Variants in PDE1C observed in about 807,000 individuals in gnomAD.
PDE1C encodes the protein phosphodiesterase 1C.
Under a neutral mutation model 93.1 loss-of-function variants are expected in PDE1C, and 62 were observed. The observed-to-expected ratio is 0.67, with a 90% CI of 0.54 to 0.82. The LOEUF (loss-of-function observed/expected upper bound fraction) is 0.82, where lower values mean the gene tolerates loss of function less well. PDE1C is among the 40% of genes least tolerant of loss of function. PDE1C has a pLI of 0.00. For missense variants in PDE1C, 742 were observed against 884.6 expected, an observed-to-expected ratio of 0.84 and a Z score of 2.04; for synonymous variants, 325 against 310.1, an observed-to-expected ratio of 1.05 and a Z score of -0.50.
At chr7:32,004,411 T>C (rs1272839450) in intron 2 of PDE1C, among the ~76,000 whole-genome samples, 2 of 152,198 alleles carry the variant, frequency 1.3e-5, no homozygotes, top group African/African-American at 4.8e-5. Context: ...TCTTACTGCA[T>C]ACAGGCCACC....
chr7:31,985,493 T>G (rs2129065973), intron 2 of PDE1C, among the ~76,000 whole-genome samples: 1 of 152,328 alleles, frequency 6.6e-6, no homozygotes, highest in African/African-American at 2.4e-5. Flanking sequence ...TACATAGCTA[T>G]ACATGTGCCA....
At chr7:32,045,642 C>T (rs1389173793) in intron 2 of PDE1C, among the ~76,000 whole-genome samples, 1 of 152,166 alleles carries the variant, frequency 6.6e-6, no homozygotes, top group Non-Finnish European at 1.5e-5. Flanking sequence ...CAACAAGTTA[C>T]TTAGCTGCCA....
intron 16 of PDE1C, among the ~76,000 whole-genome samples, chr7:31,779,149 T>C (rs1783216408): frequency 6.6e-6 from 1 of 152,160 alleles, no homozygotes; most frequent in African/African-American, 2.4e-5. Flanking sequence ...GTGGCCCAGG[T>C]GATTCCCATC....
chr7:32,001,373 C>G (rs569158040), intron 2 of PDE1C, among the ~76,000 whole-genome samples: 1 of 152,298 alleles, frequency 6.6e-6, no homozygotes, highest in African/African-American at 2.4e-5. Flanking sequence ...GTACGTATTT[C>G]TGATACATAG....
At chr7:32,073,034 A>G (rs1796152526), upstream of PDE1C, among the ~76,000 whole-genome samples, 1 of 152,194 alleles carries the variant, frequency 6.6e-6, no homozygotes, top group African/African-American at 2.4e-5. Flanking sequence ...TAGTTTCTCT[A>G]AGTACTGGCC....
At chr7:32,209,553 A>C (rs1196190211) in intron 1 of PDE1C, 1 of 1,550,438 alleles carries the variant, frequency 6.4e-7, no homozygotes, top group African/African-American at 1.4e-5. Flanking sequence ...GAAAAAAAAA[A>C]GAGGATGCAA....
At chr7:31,856,057 G>A (rs1227904665) in intron 7 of PDE1C, among the ~76,000 whole-genome samples, 1 of 152,126 alleles carries the variant, frequency 6.6e-6, no homozygotes, top group Admixed American at 6.5e-5. Flanking sequence ...ACAATAATGA[G>A]TAATACAAAC....
intron 1 of PDE1C, among the ~76,000 whole-genome samples, chr7:32,210,680 C>G (rs1249772851): frequency 6.6e-6 from 1 of 152,180 alleles, no homozygotes; most frequent in Admixed American, 6.5e-5. Flanking sequence ...ACCATCTACA[C>G]TCTATTACTA....
intron 1 of PDE1C, among the ~76,000 whole-genome samples, chr7:32,263,652 C>T (rs896335827): frequency 2.6e-5 from 4 of 152,086 alleles, no homozygotes; most frequent in African/African-American, 9.7e-5. Flanking sequence ...TCAGGAATTG[C>T]ATTTAATTGT....
intron 17 of PDE1C, among the ~76,000 whole-genome samples, chr7:31,764,086 A>G (rs891915787): frequency 5.3e-5 from 8 of 151,928 alleles, no homozygotes; most frequent in Admixed American, 2.0e-4. Context: ...CAAAGGAAAA[A>G]TGGCTAGCCC....
intron 16 of PDE1C, among the ~76,000 whole-genome samples, chr7:31,799,521 C>T (rs2128685183): frequency 6.6e-6 from 1 of 151,648 alleles, no homozygotes; most frequent in East Asian, 1.9e-4. Context: ...TTTATGTACT[C>T]CATTTCAAAC....
chr7:32,043,510 C>G lies in PDE1C; in HGVS notation c.128+8044G>C, dbSNP rs140900825. The stretch of plus-strand genomic sequence containing the variant: ...CAATCTAAGAAACTTACTCTCAAAA[C>G]CATTTTGGCAAAACACCGCCAAACA... On this transcript the variant is annotated intron_variant, in intron 2 of 17. Coordinates refer to ENST00000396191, the MANE Select transcript of PDE1C (RefSeq NM_001191057.4). Among the ~76,000 whole-genome samples, 470 of 152,276 alleles carry G rather than the reference C, an allele frequency of 3.1e-3. 2 individuals carry two copies. Among genetic ancestry groups the G allele is most frequent in the Middle Eastern group, 6.8e-3 (2 of 294 alleles).
chr7:32,231,956 TATACACAC>T (rs1395953600), intron 1 of PDE1C, among the ~76,000 whole-genome samples: 9,537 of 126,756 alleles, frequency 0.075, 637 homozygotes, highest in African/African-American at 0.17. Flanking sequence ...TAAATATGTG[TATACACAC>T]ACACACACAC....
At chr7:31,888,270 A>AAAAG (rs1798216758) in intron 2 of PDE1C, among the ~76,000 whole-genome samples, 2 of 149,756 alleles carry the variant, frequency 1.3e-5, no homozygotes, top group African/African-American at 4.9e-5. Context: ...AAAAAAAAAA[A>AAAAG]AAAGAAAAGG....
chr7:32,199,353 C>G (rs1167487641), intron 2 of PDE1C, among the ~76,000 whole-genome samples: 2 of 152,174 alleles, frequency 1.3e-5, no homozygotes, highest in African/African-American at 4.8e-5. Flanking sequence ...TTCTCAGCCA[C>G]TAGATCTTTA....
chr7:32,309,208 A>G (rs1265603436), intron 1 of PDE1C, among the ~76,000 whole-genome samples: 1 of 152,196 alleles, frequency 6.6e-6, no homozygotes, highest in East Asian at 1.9e-4. Flanking sequence ...AAAAAAGAAT[A>G]AAAAGAAACA....
Position 32,416,930 on chromosome 7 carries a change from C to T in PDE1C, c.310+10892G>A, listed in dbSNP as rs151243165. Reference sequence around the variant, plus strand: ...CCTTGGGAGAGATCGAGGGGCAACTCGCCAGTGGGTCTACAGAGGCCCAGA... The same window carrying T: ...CCTTGGGAGAGATCGAGGGGCAACTTGCCAGTGGGTCTACAGAGGCCCAGA... On this transcript the variant is annotated intron_variant, in intron 1 of 1. Transcript: ENST00000672256. Among the ~76,000 whole-genome samples, 226 of 152,242 alleles carry T rather than the reference C, an allele frequency of 1.5e-3. 8 individuals carry two copies. In the East Asian group the frequency reaches 0.035, roughly 24 times the overall value.
chr7:31,845,374 TTC>T (rs1159816891), intron 9 of PDE1C, among the ~76,000 whole-genome samples: 1 of 152,136 alleles, frequency 6.6e-6, no homozygotes, highest in Non-Finnish European at 1.5e-5. Context: ...GGAATCTGGG[TTC>T]TGTTATATTG....
At chr7:31,980,481 C>T (rs1455842898) in intron 2 of PDE1C, among the ~76,000 whole-genome samples, 1 of 152,128 alleles carries the variant, frequency 6.6e-6, no homozygotes, top group African/African-American at 2.4e-5. Flanking sequence ...CACAAGATTG[C>T]TATTTTTTCC....
Sources: allele counts gnomAD v4.1 joint callset (sites outside exome capture counted in the v4.1 genomes callset), GRCh38; gene constraint gnomAD v4.1.1; transcripts MANE v1.5; gene names NCBI Gene and HGNC (gene_info 2026-07-23, HGNC 2026-07-21).